GNA12: variants seen among roughly 807,000 people sequenced by gnomAD.
The protein encoded by GNA12 is guanine nucleotide-binding protein subunit alpha-12.
A neutral mutation model predicts 26.0 loss-of-function variants in GNA12; 9 were observed. The ratio of observed to expected loss-of-function variants is 0.35; its 90% confidence interval spans 0.21 to 0.60. The LOEUF (loss-of-function observed/expected upper bound fraction) is 0.60. Ranked by LOEUF, GNA12 falls within the 20% of genes least tolerant of loss-of-function variation. The probability of loss-of-function intolerance (pLI) is 0.78; values close to 1 mark genes in which losing one functional copy is unlikely to be tolerated. For synonymous variants in GNA12, 264 were observed against 219.6 expected (o/e 1.20, Z -1.79); for missense variants, 405 against 525.8 (o/e 0.77, Z 2.25).
chr7:2,744,471 A>C (rs1790669847), intron 2 of GNA12, among the ~76,000 whole-genome samples: 1 of 152,244 alleles, frequency 6.6e-6, no homozygotes. Context: ...GTCTGTTAGA[A>C]GGAAAACTAA....
At chr7:2,735,347 A>C (rs554935590) in intron 2 of GNA12, among the ~76,000 whole-genome samples, 8 of 152,202 alleles carry the variant, frequency 5.3e-5, no homozygotes, top group African/African-American at 1.9e-4. Context: ...GCACGAAGGA[A>C]GCAGAGGCAG....
chr7:2,742,876 G>A (rs1790579365), intron 2 of GNA12, among the ~76,000 whole-genome samples: 1 of 152,118 alleles, frequency 6.6e-6, no homozygotes, highest in Non-Finnish European at 1.5e-5. Flanking sequence ...CTGTATATTG[G>A]CTTGTGCCTA....
intron 1 of GNA12, among the ~76,000 whole-genome samples, chr7:2,832,719 A>T (rs112025465): frequency 3.7e-4 from 57 of 152,294 alleles, no homozygotes; most frequent in African/African-American, 1.2e-3. Flanking sequence ...ACAGTAAAAT[A>T]GATGCTGACG....
chr7:2,758,562 CA>C (rs1437931045), intron 2 of GNA12, among the ~76,000 whole-genome samples: 1 of 152,108 alleles, frequency 6.6e-6, no homozygotes. Context: ...TCAGCTAAGC[CA>C]AAGGGAGGTG....
chr7:2,801,621 T>G (rs1423072515), intron 1 of GNA12, among the ~76,000 whole-genome samples: 1 of 152,120 alleles, frequency 6.6e-6, no homozygotes, highest in Non-Finnish European at 1.5e-5. Context: ...GCTAAACTAC[T>G]GATGAGCTTT....
chr7:2,741,078 A>T (rs1790477199), intron 2 of GNA12, among the ~76,000 whole-genome samples: 1 of 152,176 alleles, frequency 6.6e-6, no homozygotes, highest in Admixed American at 6.5e-5. Flanking sequence ...ACAAATAATC[A>T]AACAAAAAAC....
intron 2 of GNA12, among the ~76,000 whole-genome samples, chr7:2,754,036 C>T (rs547421974): frequency 6.6e-6 from 1 of 152,358 alleles, no homozygotes; most frequent in African/African-American, 2.4e-5. Context: ...TTCAGCGTTA[C>T]TCTCTGCCAA....
At chr7:2,756,253 T>TA (rs991351055) in intron 2 of GNA12, among the ~76,000 whole-genome samples, 6 of 151,794 alleles carry the variant, frequency 4.0e-5, no homozygotes, top group East Asian at 1.9e-4. Flanking sequence ...GCACATAACT[T>TA]AAAAAAAACT....
At chr7:2,817,325 C>G (rs1393834911) in intron 1 of GNA12, among the ~76,000 whole-genome samples, 1 of 152,182 alleles carries the variant, frequency 6.6e-6, no homozygotes, top group Non-Finnish European at 1.5e-5. Context: ...AGGCTGGTCT[C>G]GAACTCCTGA....
At chr7:2,765,548 C>G (rs190631360) in intron 2 of GNA12, among the ~76,000 whole-genome samples, 1 of 152,024 alleles carries the variant, frequency 6.6e-6, no homozygotes, top group East Asian at 1.9e-4. Flanking sequence ...AATCCTGTGA[C>G]TCCAACATTC....
chr7:2,797,868 A>C (rs1050706840), intron 1 of GNA12, among the ~76,000 whole-genome samples: 1 of 152,158 alleles, frequency 6.6e-6, no homozygotes. Context: ...AAACTTTAAG[A>C]AGCAGTATCT....
Position 2,818,019 on chromosome 7 carries a change from T to C in GNA12, c.310-22876A>G, listed in dbSNP as rs180847257. Among the ~76,000 whole-genome samples the C allele has an allele frequency of 5.3e-5, 8 of 152,318 alleles. No homozygotes were observed. In the East Asian group the frequency reaches 5.8e-4, roughly 11 times the overall value. ...GAAAAAGTACTAGCACACTGTAAGA[T>C]TGCTCTTAATGTTTCAAGTGGGACT... On this transcript the variant is annotated intron_variant, in intron 1 of 3. Transcript: ENST00000275364.
intron 3 of GNA12, among the ~76,000 whole-genome samples, chr7:2,733,198 T>A (rs1789987317): frequency 6.6e-6 from 1 of 152,210 alleles, no homozygotes; most frequent in African/African-American, 2.4e-5. Context: ...AAGGAAGTCC[T>A]CCTTTCACTC....
chr7:2,785,167 G>C (rs924250090), intron 2 of GNA12, among the ~76,000 whole-genome samples: 1 of 152,160 alleles, frequency 6.6e-6, no homozygotes, highest in Non-Finnish European at 1.5e-5. Context: ...AAATACCTCA[G>C]CTTCCTGCTT....
At chr7:2,775,207 G>C (rs1792047201) in intron 2 of GNA12, 1 of 152,192 alleles carries the variant, frequency 6.6e-6, no homozygotes, top group African/African-American at 2.4e-5. Flanking sequence ...CGCTGCGCCA[G>C]CTTCCAGGGT....
intron 1 of GNA12, among the ~76,000 whole-genome samples, chr7:2,831,974 G>A (rs1778687669): frequency 6.6e-6 from 1 of 152,190 alleles, no homozygotes; most frequent in Admixed American, 6.5e-5. Context: ...CTACAAAGAT[G>A]TGCAAAATTT....
At chr7:2,822,213 T>A (rs1221481881) in intron 1 of GNA12, among the ~76,000 whole-genome samples, 5 of 152,238 alleles carry the variant, frequency 3.3e-5, no homozygotes, top group Non-Finnish European at 5.9e-5. Context: ...CTCCGAGATG[T>A]TGTTCTTCGT....
At chr7:2,739,187 A>G (rs1583215550) in intron 2 of GNA12, among the ~76,000 whole-genome samples, 1 of 152,214 alleles carries the variant, frequency 6.6e-6, no homozygotes, top group African/African-American at 2.4e-5. Flanking sequence ...GATCTACATA[A>G]TAGAAAATTC....
chr7:2,741,621 A>C lies in GNA12; in HGVS notation c.526-8120T>G, dbSNP rs3891279. 4.1e-3 allele frequency among the ~76,000 whole-genome samples: 623 copies of C among 152,238 alleles called. 2 individuals are homozygous for C. Among genetic ancestry groups the C allele is most frequent in the Non-Finnish European group, 6.7e-3 (459 of 68,018 alleles). On this transcript the variant is annotated intron_variant, in intron 2 of 3. Transcript: ENST00000275364. ...GTTGCAAGAATAGTACAAAGAGCTC[A>C]TACAGTCTTTCTCTAGATTCACCTG... is the stretch of plus-strand genomic sequence containing the variant.
Sources: allele counts gnomAD v4.1 joint callset (sites outside exome capture counted in the v4.1 genomes callset), GRCh38; gene constraint gnomAD v4.1.1; transcripts MANE v1.5; gene names NCBI Gene and HGNC (gene_info 2026-07-23, HGNC 2026-07-21).